The following RBFOX1 variants were observed in gnomAD, a reference collection of about 807,000 sequenced individuals.
RBFOX1 encodes RNA binding fox-1 homolog 1.
A neutral mutation model predicts 57.7 loss-of-function variants in RBFOX1; 8 were observed. The ratio of observed to expected loss-of-function variants is 0.14; its 90% CI spans 0.08 to 0.25. The LOEUF (loss-of-function observed/expected upper bound fraction) is 0.25. Ranked by LOEUF, RBFOX1 falls within the 10% of genes least tolerant of loss-of-function variation. The pLI is 1.00. For missense variants in RBFOX1, 611 were observed against 548.5 expected, an observed-to-expected ratio of 1.11 and a Z score of -1.14; for synonymous variants, 326 against 222.4, an observed-to-expected ratio of 1.47 and a Z score of -4.15.
intron 3 of RBFOX1, among the ~76,000 whole-genome samples, chr16:6,999,211 TA>T (rs61600228): frequency 0.035 from 3,701 of 105,204 alleles, 96 homozygotes; most frequent in African/African-American, 0.038. Context: ...TTTTTATTTT[TA>T]TTTATTTTTT....
intron 2 of RBFOX1, chr16:6,577,347 T>A (rs1471768716): frequency 1.3e-5 from 2 of 152,236 alleles, no homozygotes; most frequent in Non-Finnish European, 2.9e-5. Context: ...GTTTAGATTT[T>A]GGAGCAATAA....
At chr16:5,428,252 AG>A (rs1342866775) in intron 1 of RBFOX1, among the ~76,000 whole-genome samples, 1 of 152,156 alleles carries the variant, frequency 6.6e-6, no homozygotes, top group East Asian at 1.9e-4. Flanking sequence ...GAAGCCAGAG[AG>A]GTACAAACTT....
intron 3 of RBFOX1, among the ~76,000 whole-genome samples, chr16:6,742,755 A>ACTTTGACC (rs2072580409): frequency 6.6e-6 from 1 of 152,190 alleles, no homozygotes; most frequent in Non-Finnish European, 1.5e-5. Flanking sequence ...TAGACTATAC[A>ACTTTGACC]ATGTCATTTA....
chr16:5,536,001 G>A lies in RBFOX1; in HGVS notation c.259-62901G>A, dbSNP rs192518279. ...GTAAAAGTTTGTACAGCCACACACCGAAATCTTTCTCTAGCCCCCTTTCCT... is the reference window on the plus strand; with the variant it reads ...GTAAAAGTTTGTACAGCCACACACCAAAATCTTTCTCTAGCCCCCTTTCCT... On this transcript the variant is annotated intron_variant, in intron 2 of 2. Transcript: ENST00000585867. 5.4e-3 allele frequency among the ~76,000 whole-genome samples: 817 copies of A among 152,074 alleles called. 7 individuals are homozygous for A. Among genetic ancestry groups the A allele is most frequent in the Middle Eastern group, 0.027 (8 of 294 alleles).
intron 3 of RBFOX1, among the ~76,000 whole-genome samples, chr16:6,924,196 C>T (rs1053881576): frequency 2.8e-3 from 351 of 126,442 alleles, no homozygotes; most frequent in African/African-American, 9.1e-3. Flanking sequence ...ATAATAATAG[C>T]AATAATGCCA....
chr16:5,591,589 T>A (rs1388552666), intron 2 of RBFOX1, among the ~76,000 whole-genome samples: 1 of 152,222 alleles, frequency 6.6e-6, no homozygotes, highest in Non-Finnish European at 1.5e-5. Context: ...TTCTTCTCTG[T>A]CTTCTGAAGA....
chr16:6,409,250 C>T (rs900116358), intron 2 of RBFOX1, among the ~76,000 whole-genome samples: 1 of 152,120 alleles, frequency 6.6e-6, no homozygotes, highest in Non-Finnish European at 1.5e-5. Flanking sequence ...CCCATCTCTA[C>T]TAAAAATACA....
chr16:7,355,330 C>A lies in RBFOX1; in HGVS notation c.28-162817C>A, dbSNP rs117673389. On this transcript the variant is annotated intron_variant, in intron 4 of 15. Coordinates refer to ENST00000550418, the MANE Select transcript of RBFOX1 (RefSeq NM_018723.4). ...TTTACTTGTCACGTTTTATCATGAC[C>A]GTATTTTCTCAGGACAGTTTCAAGA... Among the ~76,000 whole-genome samples, 73 of 152,204 alleles carry A rather than the reference C, an allele frequency of 4.8e-4. No individual in the cohort carries two copies. In the East Asian group the frequency reaches 0.012, roughly 24 times the overall value.
At position 7,488,438 on chromosome 16, in the gene RBFOX1, T is replaced by TATCA. The variant is rs1567455734; in HGVS notation, c.28-29709_28-29708insATCA. ...TCTGCCTGTCTATCTGCTATCATTC[T>TATCA]TTCGTTGTTTGTCTATCATTCTATC... On this transcript the variant is annotated intron_variant, in intron 4 of 15. Coordinates refer to ENST00000550418, the MANE Select transcript of RBFOX1 (RefSeq NM_018723.4). Among the ~76,000 whole-genome samples, 6 of 20,132 alleles carry TATCA rather than the reference T, an allele frequency of 3.0e-4. No homozygotes were observed. The East Asian group carries it at 0.3, about 1,007-fold the overall frequency. 13.2% of individuals were successfully genotyped at this position (20,132 alleles called of 152,430 possible).
chr16:6,767,145 C>T (rs1402229641), intron 3 of RBFOX1, among the ~76,000 whole-genome samples: 1 of 152,108 alleles, frequency 6.6e-6, no homozygotes, highest in Non-Finnish European at 1.5e-5. Flanking sequence ...CTCCATACTT[C>T]CAGAGAGCTG....
intron 3 of RBFOX1, among the ~76,000 whole-genome samples, chr16:5,607,742 C>A (rs2047636774): frequency 6.6e-6 from 1 of 152,180 alleles, no homozygotes; most frequent in African/African-American, 2.4e-5. Flanking sequence ...ACTGCCTTTC[C>A]AATTCCACTG....
At chr16:5,581,305 G>A (rs1292207723) in intron 2 of RBFOX1, among the ~76,000 whole-genome samples, 3 of 152,200 alleles carry the variant, frequency 2.0e-5, no homozygotes, top group African/African-American at 7.2e-5. Context: ...CGGAGACAGA[G>A]GTCCTAACTC....
chr16:7,382,191 A>T (rs1046439302), intron 4 of RBFOX1, among the ~76,000 whole-genome samples: 2 of 152,216 alleles, frequency 1.3e-5, no homozygotes, highest in African/African-American at 4.8e-5. Context: ...CTTAGCCACT[A>T]TGAAGACTCC....
chr16:6,856,089 A>ACCCTT (rs776613731), intron 3 of RBFOX1, among the ~76,000 whole-genome samples: 49 of 149,476 alleles, frequency 3.3e-4, no homozygotes, highest in Non-Finnish European at 6.2e-4. Context: ...TGAAATGAAG[A>ACCCTT]CCCTTCCCTT....
chr16:6,902,105 G>C (rs369913934), intron 3 of RBFOX1, among the ~76,000 whole-genome samples: 4 of 152,080 alleles, frequency 2.6e-5, no homozygotes, highest in Admixed American at 2.0e-4. Flanking sequence ...CATAAAATCA[G>C]GTGTCTTACT....
At chr16:6,623,961 A>G (rs1432165809) in intron 2 of RBFOX1, among the ~76,000 whole-genome samples, 1 of 152,158 alleles carries the variant, frequency 6.6e-6, no homozygotes, top group Non-Finnish European at 1.5e-5. Context: ...TATACCCAGT[A>G]GTGGGATTGC....
At position 5,814,700 on chromosome 16, in the gene RBFOX1, G is replaced by C. The variant is rs192896315; in HGVS notation, c.319-52603G>C. ...TCCCAGCACTTTGGGAGGCCGAGGC[G>C]GGTGGATCATGAGGTCAGGAGATCG... On this transcript the variant is annotated intron_variant, in intron 3 of 19. Coordinates refer to the RBFOX1 transcript ENST00000641259. 3.9e-5 allele frequency among the ~76,000 whole-genome samples: 6 copies of C among 152,196 alleles called. No individual in the cohort carries two copies. The East Asian group carries it at 7.7e-4, about 20-fold the overall frequency.
rs193240649 is a variant in RBFOX1, at chr16:6,985,758, C to T, written c.-15-66299C>T. ...CTGAGGCATAAGAATTGCTTGAACC[C>T]AGGAGGCAGAGGTTGCAATGAGCTT... On this transcript the variant is annotated intron_variant, in intron 3 of 15. Transcript: ENST00000550418. 8.9e-5 allele frequency among the ~76,000 whole-genome samples: 13 copies of T among 145,560 alleles called. No homozygotes were observed. In the East Asian group the frequency reaches 1.0e-3, roughly 11 times the overall value.
intron 6 of RBFOX1, among the ~76,000 whole-genome samples, chr16:7,580,827 A>T (rs1382859456): frequency 6.6e-6 from 1 of 152,226 alleles, no homozygotes; most frequent in African/African-American, 2.4e-5. Context: ...ATGACATCCC[A>T]GCAATGATAG....
Sources: allele counts gnomAD v4.1 joint callset (sites outside exome capture counted in the v4.1 genomes callset), GRCh38; gene constraint gnomAD v4.1.1; transcripts MANE v1.5; gene names NCBI Gene and HGNC (gene_info 2026-07-23, HGNC 2026-07-21).